Variants in HK3 observed in about 807,000 individuals in gnomAD.
HK3 encodes the protein hexokinase 3.
HK3 carries 93 observed loss-of-function variants against 91.0 expected under a neutral mutation model. The ratio of observed to expected loss-of-function variants is 1.02; its 90% CI spans 0.86 to 1.21. The LOEUF (loss-of-function observed/expected upper bound fraction) is 1.21. Ranked by LOEUF, HK3 falls within the 50% of genes most tolerant of loss-of-function variation. The probability of loss-of-function intolerance (pLI) is 0.00; values close to 1 mark genes in which losing one functional copy is unlikely to be tolerated. For synonymous variants in HK3, 519 were observed against 516.9 expected, an observed-to-expected ratio of 1.00 and a Z score of -0.06; for missense variants, 1,235 against 1,247.4, an observed-to-expected ratio of 0.99 and a Z score of 0.15.
Position 176,896,108 on chromosome 5 carries a change from A to G in HK3, c.52T>C (p.Cys18Arg), listed in dbSNP as rs1758904954. The G allele has an allele frequency of 5.0e-6, 8 of 1,613,290 alleles. No individual in the cohort carries two copies. In the East Asian group the frequency reaches 1.8e-4, roughly 36 times the overall value. Residue 18 changes from cysteine (C) to arginine (R), a missense_variant, in exon 2 of 19, where the codon TGC becomes CGC. Physicochemically the swap from Cys to Arg is radical, Grantham distance 180. Coordinates refer to ENST00000292432, the MANE Select transcript of HK3 (RefSeq NM_002115.3). Reference sequence around the variant, plus strand: ...GGCCCGGGCAAGCCCTCCTCAGAGCAACTCAGGGTTTCTTCCCCCTGCCGC... The same window carrying G: ...GGCCCGGGCAAGCCCTCCTCAGAGCGACTCAGGGTTTCTTCCCCCTGCCGC... The part of the protein sequence containing the change: ...GLRQGEETLS[C>R]SEEGLPGPSD...
intron 6 of HK3, 128 bp downstream of exon 6, chr5:176,890,491 TAGGTTAAACTGGATGG>T (rs1192845353): frequency 1.5e-5 from 11 of 720,696 alleles, no homozygotes; most frequent in East Asian, 2.5e-5. Flanking sequence ...GTACCATGTA[TAGGTTAAACTGGATGG>T]AGGTTAAACT....
chr5:176,890,013 C>G (rs1377748486), intron 6 of HK3, among the ~76,000 whole-genome samples: 1 of 152,168 alleles, frequency 6.6e-6, no homozygotes, highest in East Asian at 1.9e-4. Flanking sequence ...CTCCCAGGAC[C>G]AGGATGAGTT....
In HK3 at chr5:176,881,804, G is replaced by T. The variant is rs190052913; in HGVS notation, c.2281C>A (p.Arg761Ser). Residue 761 changes from arginine to serine, a missense_variant, in exon 17 of 19, where the codon CGC becomes AGC. By Grantham distance (110) the Arg-to-Ser change is moderately radical. Coordinates refer to ENST00000292432, the MANE Select transcript of HK3 (RefSeq NM_002115.3). Reference sequence around the variant, plus strand: ...CTGGTTAAATGTAAAAGGATGTGGCGGACGATCTCCCCCAGGTACATGCCG... The same window carrying T: ...CTGGTTAAATGTAAAAGGATGTGGCTGACGATCTCCCCCAGGTACATGCCG... ...ISGMYLGEIV[R>S]HILLHLTSLG... 6.2e-7 allele frequency: 1 copy of T among 1,614,074 alleles called. No individual in the cohort carries two copies. The highest frequency in any genetic ancestry group is 2.2e-5 in the East Asian group (1 of 44,874).
Position 176,881,528 on chromosome 5 carries a change from G to C in HK3, c.2401C>G (p.Leu801Val). ...KFLSEIESDS[L>V]ALRQVRAILE... ...ATGGCTCGGACCTGCCGCAGGGCCA[G>C]GCTGTCACTGGGGGCCAGGAAGGAA... Residue 801 changes from leucine (L) to valine (V), a missense_variant, in exon 18 of 19, where the codon CTG becomes GTG. Physicochemically the swap from Leu to Val is conservative, Grantham distance 32. Coordinates refer to ENST00000292432, the MANE Select transcript of HK3 (RefSeq NM_002115.3). 6.2e-7 allele frequency: 1 copy of C among 1,602,446 alleles called. No individual in the cohort carries two copies. The highest frequency in any genetic ancestry group is 1.3e-5 in the African/African-American group (1 of 74,978).
chr5:176,890,192 G>A (rs989141264), intron 6 of HK3, among the ~76,000 whole-genome samples: 1 of 152,152 alleles, frequency 6.6e-6, no homozygotes, highest in Non-Finnish European at 1.5e-5. Context: ...CCTTCTCTGA[G>A]ACTAGATCAT....
At chr5:176,893,233 T>C (rs1758822436) in intron 2 of HK3, among the ~76,000 whole-genome samples, 1 of 152,080 alleles carries the variant, frequency 6.6e-6, no homozygotes, top group South Asian at 2.1e-4. Context: ...TGAACCCATA[T>C]CTACCTGAAT....
intron 1 of HK3, among the ~76,000 whole-genome samples, chr5:176,898,623 A>ATT (rs1168377536): frequency 6.6e-6 from 1 of 152,160 alleles, no homozygotes; most frequent in African/African-American, 2.4e-5. Context: ...TAGCCCTAAT[A>ATT]TTTATATGCT....
In HK3 at chr5:176,882,299, C is replaced by T. The variant is rs573126216; in HGVS notation, c.2054-172G>A. On this transcript the variant is annotated intron_variant, in intron 15 of 18. Transcript: ENST00000292432. ...CTTCCCGACATCCCTCGTGCAGACC[C>T]TGCCAGCTCCAAGCCCTGGGGACCT... The T allele has an allele frequency of 7.1e-6, 5 of 700,580 alleles. No individual in the cohort carries two copies. In the African/African-American group the frequency reaches 8.9e-5, roughly 12 times the overall value. 43.4% of individuals were successfully genotyped at this position (700,580 alleles called of 1,614,324 possible).
At chr5:176,886,944 T>C in intron 13 of HK3, 58 bp downstream of exon 13, 1 of 1,598,976 alleles carries the variant, frequency 6.3e-7, no homozygotes, top group Non-Finnish European at 8.5e-7. Context: ...GCCCACTCCA[T>C]GAAGGGTATG....
intron 15 of HK3, among the ~76,000 whole-genome samples, chr5:176,883,043 G>A (rs1466268201): frequency 1.3e-5 from 2 of 152,168 alleles, no homozygotes; most frequent in Non-Finnish European, 2.9e-5. Flanking sequence ...GGGCTTTCAA[G>A]TTCCACTCAT....
In HK3 at chr5:176,883,780, G is replaced by T; in HGVS notation, c.2043C>A (p.Gly681=). The change falls in exon 15 of 19, where the codon GGC becomes GGA. Residue 681 remains glycine (G), a synonymous_variant. Coordinates refer to ENST00000292432, the MANE Select transcript of HK3 (RefSeq NM_002115.3). ...CGYEDPRCEI[G]LIVGTGTNAC... is the part of the protein sequence containing the mutation. ...CAGGGCCCTCCTCACCGACAATGAGGCCTATCTCGCAACGGGGGTCCTCAT... is the reference window on the plus strand; with the variant it reads ...CAGGGCCCTCCTCACCGACAATGAGTCCTATCTCGCAACGGGGGTCCTCAT... 1.9e-6 allele frequency: 3 copies of T among 1,613,464 alleles called. No homozygotes were observed. Among genetic ancestry groups the T allele is most frequent in the Non-Finnish European group, 2.5e-6 (3 of 1,179,532 alleles).
At chr5:176,896,299 AGAATT>A in intron 1 of HK3, 114 bp from the exon 2 acceptor site, 2 of 501,422 alleles carry the variant, frequency 4.0e-6, no homozygotes, top group Non-Finnish European at 7.2e-6. Context: ...AGCTGGGAGC[AGAATT>A]CAGAACCTCC....
chr5:176,881,024 C>G lies in HK3; in HGVS notation c.*49G>C. On this transcript the variant is annotated 3_prime_UTR_variant, in exon 19 of 19. Coordinates refer to ENST00000292432, the MANE Select transcript of HK3 (RefSeq NM_002115.3). ...GGCTGGGAAACAGGCAGACCCCGAC[C>G]CGGCTCCAGCAAGGCTGCGGCGGAG... 1 of 1,540,156 alleles carries G rather than the reference C, an allele frequency of 6.5e-7. No homozygotes were observed. Among genetic ancestry groups the G allele is most frequent in the Non-Finnish European group, 8.7e-7 (1 of 1,145,130 alleles).
chr5:176,881,337 C>A lies in HK3; in HGVS notation c.2592G>T (p.Val864=). 4 of 1,614,072 alleles carry A rather than the reference C, an allele frequency of 2.5e-6. No individual in the cohort carries two copies. The highest frequency in any genetic ancestry group is 3.4e-6 in the Non-Finnish European group (4 of 1,180,020). ...NRGLEELAVS[V]GVDGTLYKLH... ...GCTTGTAGAGCGTTCCATCCACCCCCACAGACACTGCCAGCTCTTCCAGGC... is the reference window on the plus strand; with the variant it reads ...GCTTGTAGAGCGTTCCATCCACCCCAACAGACACTGCCAGCTCTTCCAGGC... Residue 864 remains valine, a synonymous_variant, in exon 18 of 19, where the codon GTG becomes GTT. Transcript: ENST00000292432.
At chr5:176,893,641 C>T (rs771998970) in intron 2 of HK3, among the ~76,000 whole-genome samples, 1 of 152,106 alleles carries the variant, frequency 6.6e-6, no homozygotes, top group Admixed American at 6.5e-5. Flanking sequence ...ATGGGAGGGG[C>T]GTTTTAGTAT....
Position 176,887,855 on chromosome 5 carries a change from GC to G in HK3, c.1305-110del. On this transcript the variant is annotated intron_variant, in intron 10 of 18. Transcript: ENST00000292432. The surrounding 1 kb of genome is among the most constrained non-coding windows in gnomAD (Gnocchi z 4.9). ...GATACATACAGGTGTGCCCAGCTTG[GC>G]CCCAGACCCCTAGGGCCTCCTGAAG... 1.7e-6 allele frequency: 2 copies of G among 1,202,392 alleles called. No individual in the cohort carries two copies. Among genetic ancestry groups the G allele is most frequent in the Non-Finnish European group, 2.3e-6 (2 of 864,612 alleles). The allele number at this position is 1,202,392 out of a possible 1,614,324, so 74.5% of individuals were successfully genotyped here.
intron 4 of HK3, 32 bp from the exon 5 acceptor site, chr5:176,890,973 C>G: frequency 6.2e-7 from 1 of 1,613,934 alleles, no homozygotes; most frequent in Non-Finnish European, 8.5e-7. Flanking sequence ...TCAGCCTTGC[C>G]CATCTGAGCC....
intron 13 of HK3, among the ~76,000 whole-genome samples, chr5:176,886,474 G>T (rs796157120): frequency 6.6e-6 from 1 of 151,866 alleles, no homozygotes; most frequent in Non-Finnish European, 1.5e-5. Flanking sequence ...TATTGTTTCC[G>T]TGACAGGCTT....
Position 176,880,997 on chromosome 5 carries a change from C to G in HK3, c.*76G>C. 6.7e-7 allele frequency: 1 copy of G among 1,482,520 alleles called. No homozygotes were observed. The highest frequency in any genetic ancestry group is 9.0e-7 in the Non-Finnish European group (1 of 1,115,518). The allele number at this position is 1,482,520 out of a possible 1,614,324, so 91.8% of individuals were successfully genotyped here. On this transcript the variant is annotated 3_prime_UTR_variant, in exon 19 of 19. Transcript: ENST00000292432. ...TCCCAGGAGTCCTGGGTGGCTGGGC[C>G]TGGCTGGGAAACAGGCAGACCCCGA...
Sources: allele counts gnomAD v4.1 joint callset (sites outside exome capture counted in the v4.1 genomes callset), GRCh38; gene constraint gnomAD v4.1.1; non-coding constraint Gnocchi (gnomAD v3.1); transcripts MANE v1.5; gene names NCBI Gene and HGNC (gene_info 2026-07-23, HGNC 2026-07-21).